The following SEMA3A variants were observed in gnomAD, a reference collection of about 807,000 sequenced individuals.
The protein encoded by SEMA3A is semaphorin-3A.
A neutral mutation model predicts 97.9 loss-of-function variants in SEMA3A; 29 were observed. The ratio of observed to expected loss-of-function variants is 0.30; its 90% confidence interval spans 0.22 to 0.40. The LOEUF is 0.40. Ranked by LOEUF, SEMA3A falls within the 10% of genes least tolerant of loss-of-function variation. The probability of loss-of-function intolerance (pLI) is 1.00; values close to 1 mark genes in which losing one functional copy is unlikely to be tolerated. For missense variants in SEMA3A, 763 were observed against 951.3 expected (o/e 0.80, Z 2.60); for synonymous variants, 321 against 323.7 (o/e 0.99, Z 0.09).
intron 3 of SEMA3A, among the ~76,000 whole-genome samples, chr7:84,278,197 G>GT (rs1382020780): frequency 6.6e-6 from 1 of 152,050 alleles, no homozygotes; most frequent in Non-Finnish European, 1.5e-5. Flanking sequence ...ATACAGCCAA[G>GT]TTTTTTGCTG....
At chr7:84,266,464 A>C (rs1800006718) in intron 3 of SEMA3A, among the ~76,000 whole-genome samples, 1 of 152,092 alleles carries the variant, frequency 6.6e-6, no homozygotes, top group Admixed American at 6.6e-5. Flanking sequence ...TGGGTCTCTA[A>C]CTATCCAATA....
intron 3 of SEMA3A, among the ~76,000 whole-genome samples, chr7:84,248,506 G>A (rs1013195382): frequency 1.3e-5 from 2 of 152,124 alleles, no homozygotes; most frequent in African/African-American, 4.8e-5. Context: ...GCATTCACAT[G>A]TCTTTTTGTG....
intron 3 of SEMA3A, among the ~76,000 whole-genome samples, chr7:84,301,215 T>C (rs1801009999): frequency 6.6e-6 from 1 of 151,976 alleles, no homozygotes; most frequent in African/African-American, 2.4e-5. Context: ...ATAGCACAAG[T>C]AAAAAAATAA....
chr7:84,191,302 T>C (rs1341570693), intron 1 of SEMA3A, among the ~76,000 whole-genome samples: 7 of 151,478 alleles, frequency 4.6e-5, no homozygotes, highest in East Asian at 1.9e-4. Context: ...TAAAGTGCTA[T>C]TTACTAAGTC....
intron 15 of SEMA3A, among the ~76,000 whole-genome samples, chr7:83,973,491 C>T (rs181426897): frequency 2.0e-5 from 3 of 152,074 alleles, no homozygotes; most frequent in Admixed American, 2.0e-4. Context: ...ACTTTTAGGG[C>T]TGACATCATG....
intron 1 of SEMA3A, among the ~76,000 whole-genome samples, chr7:84,459,406 T>C (rs944395274): frequency 6.6e-6 from 1 of 152,216 alleles, no homozygotes; most frequent in Non-Finnish European, 1.5e-5. Context: ...GTAGTAACGA[T>C]GAGTTGCACC....
intron 1 of SEMA3A, among the ~76,000 whole-genome samples, chr7:84,167,199 T>A (rs943624038): frequency 1.3e-5 from 2 of 152,062 alleles, no homozygotes; most frequent in African/African-American, 2.4e-5. Context: ...AGGTCACATG[T>A]GGTTCTCAAG....
chr7:83,999,839 C>T (rs768491179), intron 12 of SEMA3A, among the ~76,000 whole-genome samples: 8 of 152,060 alleles, frequency 5.3e-5, no homozygotes, highest in Non-Finnish European at 1.0e-4. Flanking sequence ...CAAAATTAGT[C>T]TCCAAATATA....
chr7:84,345,123 G>A (rs1802265280), intron 2 of SEMA3A, among the ~76,000 whole-genome samples: 1 of 152,114 alleles, frequency 6.6e-6, no homozygotes, highest in Non-Finnish European at 1.5e-5. Flanking sequence ...GCAAGTCACA[G>A]GAGCTCTTTG....
chr7:84,303,413 A>G (rs76656442), intron 3 of SEMA3A, among the ~76,000 whole-genome samples: 6,670 of 152,254 alleles, frequency 0.044, 230 homozygotes, highest in South Asian at 0.15. Context: ...TAGTTCCTTC[A>G]AACATCTTGT....
At chr7:84,261,669 T>C (rs768913861) in intron 3 of SEMA3A, among the ~76,000 whole-genome samples, 10 of 152,226 alleles carry the variant, frequency 6.6e-5, no homozygotes, top group Non-Finnish European at 1.5e-4. Context: ...CATGCTTGGC[T>C]GTGCACAGAG....
intron 1 of SEMA3A, among the ~76,000 whole-genome samples, chr7:84,171,768 G>A (rs553589688): frequency 1.3e-5 from 2 of 151,940 alleles, no homozygotes; most frequent in Admixed American, 6.5e-5. Flanking sequence ...AATATATTAA[G>A]GGAGGACCAA....
intron 7 of SEMA3A, 104 bp from the exon 8 acceptor site, chr7:84,011,401 C>T: frequency 1.3e-6 from 1 of 765,182 alleles, no homozygotes; most frequent in Admixed American, 2.5e-5. Flanking sequence ...TACAGTTTCT[C>T]ATGTTTTAAA....
At chr7:84,406,259 T>A (rs1394425743) in intron 1 of SEMA3A, among the ~76,000 whole-genome samples, 1 of 152,122 alleles carries the variant, frequency 6.6e-6, no homozygotes. Flanking sequence ...CATCAGAGAA[T>A]ACTATAAACA....
At chr7:84,261,257 C>T (rs1799850330) in intron 3 of SEMA3A, among the ~76,000 whole-genome samples, 1 of 152,180 alleles carries the variant, frequency 6.6e-6, no homozygotes, top group South Asian at 2.1e-4. Flanking sequence ...AATAACACTC[C>T]TCTCTACCTG....
At chr7:84,227,818 C>T (rs1799023944) in intron 3 of SEMA3A, among the ~76,000 whole-genome samples, 1 of 151,860 alleles carries the variant, frequency 6.6e-6, no homozygotes, top group Non-Finnish European at 1.5e-5. Flanking sequence ...GTTTGAAATT[C>T]TCATTGCCAA....
intron 1 of SEMA3A, among the ~76,000 whole-genome samples, chr7:84,181,022 G>A (rs145332399): frequency 6.6e-6 from 1 of 151,974 alleles, no homozygotes; most frequent in Non-Finnish European, 1.5e-5. Context: ...CAATACACTT[G>A]ATTTCAGTCT....
chr7:84,415,242 C>G (rs1804400931), intron 1 of SEMA3A, among the ~76,000 whole-genome samples: 2 of 152,006 alleles, frequency 1.3e-5, no homozygotes, highest in African/African-American at 4.8e-5. Flanking sequence ...GTTAAAAAAT[C>G]TGTTTCATAA....
chr7:84,053,171 G>A (rs552450962), intron 5 of SEMA3A, among the ~76,000 whole-genome samples: 14 of 125,982 alleles, frequency 1.1e-4, no homozygotes, highest in African/African-American at 2.9e-4. Flanking sequence ...GTGTGGTGCC[G>A]AAAAAATGTA....
Sources: allele counts gnomAD v4.1 joint callset (sites outside exome capture counted in the v4.1 genomes callset), GRCh38; gene constraint gnomAD v4.1.1; transcripts MANE v1.5; gene names NCBI Gene and HGNC (gene_info 2026-07-23, HGNC 2026-07-21).